VCL: variants seen among roughly 807,000 people sequenced by gnomAD.
VCL encodes the protein epididymis luminal protein 114.
Under a neutral mutation model 125.7 loss-of-function variants are expected in VCL, and 47 were observed. The ratio of observed to expected loss-of-function variants is 0.37; its 90% CI spans 0.30 to 0.48. The LOEUF is 0.48. Among genes scored for constraint, VCL ranks in the 20% least tolerant of loss-of-function variants. The probability of loss-of-function intolerance (pLI) is 0.99; values close to 1 mark genes in which losing one functional copy is unlikely to be tolerated. For missense variants in VCL, 1,069 were observed against 1,455.5 expected, an observed-to-expected ratio of 0.73 and a Z score of 4.32; for synonymous variants, 458 against 514.6, an observed-to-expected ratio of 0.89 and a Z score of 1.49.
Position 73,998,301 on chromosome 10 carries a change from G to C in VCL, c.94G>C (p.Val32Leu). 6.3e-7 allele frequency: 1 copy of C among 1,597,700 alleles called. No individual in the cohort carries two copies. ...HLVIMHEEGE[V>L]DGKAIPDLTA... The stretch of plus-strand genomic sequence containing the variant: ...GGTGATAATGCACGAGGAGGGCGAG[G>C]TGGACGGCAAAGCCATTCCTGACCT... The change falls in exon 1 of 22, where the codon GTG (valine) becomes CTG (leucine). Residue 32 changes from valine (V) to leucine (L), a missense_variant. By Grantham distance (32) the Val-to-Leu change is conservative. Transcript: ENST00000211998.
rs1840176593 is a variant in VCL at position 74,108,822 on chromosome 10, A to C, written c.2560-149A>C. 4 of 829,626 alleles carry C rather than the reference A, an allele frequency of 4.8e-6. No individual in the cohort carries two copies. In the South Asian group the frequency reaches 5.8e-5, roughly 12 times the overall value. 51.4% of individuals were successfully genotyped at this position (829,626 alleles called of 1,614,324 possible). A position where few individuals can be genotyped will look rare whatever the true frequency, so the allele number is the denominator to read the frequency against. ...GAGAAACCTGCTTCTGTTGAGATTG[A>C]AGCAGGTGGTCCTTGTGGCTCAGTG... is the stretch of plus-strand genomic sequence containing the variant. On this transcript the variant is annotated intron_variant, in intron 17 of 21. Transcript: ENST00000211998.
chr10:74,050,087 G>A (rs867324155), intron 2 of VCL, among the ~76,000 whole-genome samples: 17 of 152,218 alleles, frequency 1.1e-4, no homozygotes, highest in South Asian at 4.1e-4. Context: ...CATCACTTCT[G>A]AGGTGGTCTT....
Position 74,094,357 on chromosome 10 carries a change from C to A in VCL, c.1439C>A (p.Ala480Asp). Residue 480 changes from alanine (A) to aspartate (D), a missense_variant, in exon 11 of 22, where the codon GCT becomes GAT. This residue lies in a region of VCL where 760 missense variants were observed against 928.9 expected (regional missense o/e 0.82). Transcript: ENST00000211998. ...AACCTGCAGACCAAAACCAACCGGG[C>A]TGTGGCCAACAGCAGACCGGCCAAA... Reference protein sequence around the residue: ...LQNLQTKTNRAVANSRPAKAA... With the variant: ...LQNLQTKTNRDVANSRPAKAA... 6.2e-7 allele frequency: 1 copy of A among 1,614,220 alleles called. No homozygotes were observed. Among genetic ancestry groups the A allele is most frequent in the South Asian group, 1.1e-5 (1 of 91,082 alleles).
At chr10:74,058,183 A>G (rs1841420296) in intron 2 of VCL, among the ~76,000 whole-genome samples, 1 of 152,142 alleles carries the variant, frequency 6.6e-6, no homozygotes, top group African/African-American at 2.4e-5. Context: ...TGGAGATGAC[A>G]GTGAGGGAGG....
chr10:74,101,225 C>T, intron 14 of VCL, 128 bp downstream of exon 14: 1 of 1,343,942 alleles, frequency 7.4e-7, no homozygotes, highest in Non-Finnish European at 1.0e-6. Context: ...CACGGTAGCA[C>T]CTATAATTCC....
In VCL at chr10:74,114,397, G is replaced by A. The variant is rs371631031; in HGVS notation, c.3153+10G>A. On this transcript the variant is annotated intron_variant, in intron 20 of 21. Transcript: ENST00000211998. The stretch of plus-strand genomic sequence containing the variant: ...AACCAACCTCTTACAGGTACTCGGG[G>A]AAAGAGGCTGCGTGTGTGTGTGTGT... 2 of 1,608,864 alleles carry A rather than the reference G, an allele frequency of 1.2e-6. No homozygotes were observed. Among genetic ancestry groups the A allele is most frequent in the Non-Finnish European group, 1.7e-6 (2 of 1,179,320 alleles).
At position 74,089,320 on chromosome 10, in the gene VCL, A is replaced by G. The variant is rs1444969965; in HGVS notation, c.1147A>G (p.Ser383Gly). 1 of 1,614,058 alleles carries G rather than the reference A, an allele frequency of 6.2e-7. No homozygotes were observed. The highest frequency in any genetic ancestry group is 8.5e-7 in the Non-Finnish European group (1 of 1,180,040). Residue 383 changes from serine to glycine, a missense_variant, in exon 9 of 22, where the codon AGC becomes GGC. Physicochemically the swap from Ser to Gly is moderately conservative, Grantham distance 56 (BLOSUM62 0). Transcript: ENST00000211998. ...KLEAMTNSKQ[S>G]IAKKIDAAQN... ...GGAAGCCATGACCAACTCAAAGCAG[A>G]GCATTGCAAAGAAGATCGATGCTGC...
At chr10:74,033,574 A>T (rs1840920481) in intron 1 of VCL, among the ~76,000 whole-genome samples, 1 of 152,026 alleles carries the variant, frequency 6.6e-6, no homozygotes, top group African/African-American at 2.4e-5. Flanking sequence ...CCTATCTCTG[A>T]TATTTTCTTT....
intron 1 of VCL, among the ~76,000 whole-genome samples, chr10:74,038,184 A>G (rs1161775917): frequency 6.6e-6 from 1 of 151,844 alleles, no homozygotes; most frequent in Non-Finnish European, 1.5e-5. Flanking sequence ...TTTAGTAGAG[A>G]CGGGGTTTCG....
chr10:74,025,986 G>T (rs889421238), intron 1 of VCL, among the ~76,000 whole-genome samples: 1 of 152,194 alleles, frequency 6.6e-6, no homozygotes, highest in Admixed American at 6.5e-5. Flanking sequence ...TGAGCTTGAG[G>T]AGGCAGTGTC....
chr10:74,007,179 A>G (rs189095322), intron 1 of VCL, among the ~76,000 whole-genome samples: 75 of 152,228 alleles, frequency 4.9e-4, no homozygotes, highest in African/African-American at 1.8e-3. Context: ...GGGTTTTGCC[A>G]TGTTGCCCAG....
intron 1 of VCL, among the ~76,000 whole-genome samples, chr10:74,024,018 G>A (rs970495453): frequency 3.3e-5 from 5 of 152,202 alleles, no homozygotes; most frequent in East Asian, 1.9e-4. Flanking sequence ...AAGCCTAAAG[G>A]TGTAACTTTG....
chr10:74,109,557 G>A (rs974181736), intron 18 of VCL, among the ~76,000 whole-genome samples: 3 of 143,704 alleles, frequency 2.1e-5, no homozygotes, highest in Non-Finnish European at 4.5e-5. Flanking sequence ...GCTAAAGCTA[G>A]ATGAAATGTT....
chr10:74,101,314 C>T (rs963221599), intron 14 of VCL, among the ~76,000 whole-genome samples: 7 of 150,742 alleles, frequency 4.6e-5, no homozygotes, highest in Non-Finnish European at 7.4e-5. Flanking sequence ...AGCAAGACCC[C>T]GACTCTACCA....
intron 1 of VCL, 32 bp downstream of exon 1, chr10:73,998,407 C>T (rs1269569358): frequency 9.2e-6 from 13 of 1,406,720 alleles, no homozygotes; most frequent in Non-Finnish European, 1.2e-5. Context: ...CGGGAGCGGG[C>T]GCGGGAGGTA....
chr10:74,073,042 G>A (rs1839514463), intron 5 of VCL, among the ~76,000 whole-genome samples, 190 bp downstream of exon 5: 1 of 151,558 alleles, frequency 6.6e-6, no homozygotes, highest in Non-Finnish European at 1.5e-5. Flanking sequence ...CTGGGTTCAA[G>A]CGATTCTCCT....
chr10:74,085,945 G>GT (rs1839762784), intron 8 of VCL, among the ~76,000 whole-genome samples: 1 of 152,098 alleles, frequency 6.6e-6, no homozygotes, highest in South Asian at 2.1e-4. Context: ...TTGGCTCACT[G>GT]TAACTTCCGC....
At chr10:74,057,248 T>A (rs1214511708) in intron 2 of VCL, among the ~76,000 whole-genome samples, 1 of 152,110 alleles carries the variant, frequency 6.6e-6, no homozygotes, top group East Asian at 1.9e-4. Flanking sequence ...CCTGGCTCTA[T>A]TTTTATTATT....
At chr10:74,064,895 T>C (rs1322057396) in intron 2 of VCL, among the ~76,000 whole-genome samples, 1 of 152,198 alleles carries the variant, frequency 6.6e-6, no homozygotes, top group Non-Finnish European at 1.5e-5. Flanking sequence ...ATTTGAATGA[T>C]AAATCAATGA....
Sources: allele counts gnomAD v4.1 joint callset (sites outside exome capture counted in the v4.1 genomes callset), GRCh38; gene constraint gnomAD v4.1.1; regional missense constraint gnomAD v4.1.1; transcripts MANE v1.5; gene names NCBI Gene and HGNC (gene_info 2026-07-23, HGNC 2026-07-21).